The following HEATR1 variants were observed in gnomAD, a reference collection of about 807,000 sequenced individuals.
The protein encoded by HEATR1 is HEAT repeat containing 1.
In HEATR1, 77 loss-of-function variants were observed where a neutral mutation model predicts 248.2. The ratio of observed to expected loss-of-function variants is 0.31; its 90% CI spans 0.26 to 0.37. The LOEUF (loss-of-function observed/expected upper bound fraction) is 0.37. HEATR1 is among the 10% of genes least tolerant of loss of function. HEATR1 has a pLI of 1.00. For missense variants in HEATR1, 2,420 were observed against 2,504.9 expected (o/e 0.97, Z 0.72); for synonymous variants, 897 against 923.1 (o/e 0.97, Z 0.51).
rs528290358 is a variant in HEATR1, at chr1:236,592,101, T to C, written c.1314A>G (p.Arg438=). 14 of 1,531,232 alleles carry C rather than the reference T, an allele frequency of 9.1e-6. 1 individual carries two copies. In the South Asian group the frequency reaches 1.4e-4, roughly 16 times the overall value. The allele number at this position is 1,531,232 out of a possible 1,614,324, so 94.9% of individuals were successfully genotyped here. ...LIRLLESKYP[R]TLDVVLEEHL... is the part of the protein sequence containing the mutation. ...GTTCCTCTAATACAACATCTAATGT[T>C]CTGGGGTATCTGGGAAGCAATTAAA... The change falls in exon 11 of 45, where the codon AGA becomes AGG. Residue 438 remains arginine, a synonymous_variant. Transcript: ENST00000366582.
chr1:236,600,941 C>T (rs1664306840), intron 3 of HEATR1, among the ~76,000 whole-genome samples: 1 of 152,184 alleles, frequency 6.6e-6, no homozygotes, highest in Non-Finnish European at 1.5e-5. Flanking sequence ...TTTATTATGG[C>T]ATTTATTTCA....
At chr1:236,561,535 C>T (rs1014049268) in intron 32 of HEATR1, among the ~76,000 whole-genome samples, 1 of 152,196 alleles carries the variant, frequency 6.6e-6, no homozygotes, top group Non-Finnish European at 1.5e-5. Context: ...ACTCAATTAG[C>T]ACTACCGAAT....
chr1:236,583,610 C>A (rs906541312), intron 17 of HEATR1, among the ~76,000 whole-genome samples: 13 of 151,750 alleles, frequency 8.6e-5, no homozygotes, highest in Middle Eastern at 3.4e-3. Context: ...CTTCAGCCTC[C>A]CGAGTAGGAA....
chr1:236,601,576 C>G (rs1664325356), intron 3 of HEATR1, among the ~76,000 whole-genome samples: 1 of 151,708 alleles, frequency 6.6e-6, no homozygotes, highest in South Asian at 2.1e-4. Flanking sequence ...GCCGACTCGG[C>G]AGGAGGATCG....
chr1:236,576,206 A>C lies in HEATR1; in HGVS notation c.3084+13T>G. 1 of 1,573,008 alleles carries C rather than the reference A, an allele frequency of 6.4e-7. No individual in the cohort carries two copies. Among genetic ancestry groups the C allele is most frequent in the Non-Finnish European group, 8.6e-7 (1 of 1,164,910 alleles). ...CATCACAGGAATGTACAATCCACTT[A>C]AATGGCACATACCTCACCGTTGACT... On this transcript the variant is annotated intron_variant, in intron 22 of 44. Transcript: ENST00000366582.
chr1:236,573,367 C>G (rs1347512000), intron 24 of HEATR1, among the ~76,000 whole-genome samples: 1 of 152,138 alleles, frequency 6.6e-6, no homozygotes, highest in Non-Finnish European at 1.5e-5. Context: ...TTTACTGCCC[C>G]AGAGATTCTT....
At position 236,574,830 on chromosome 1, in the gene HEATR1, A is replaced by G. The variant is rs1663524720; in HGVS notation, c.3158T>C (p.Leu1053Pro). Residue 1053 changes from leucine (L) to proline (P), a missense_variant, in exon 23 of 45, where the codon CTG (leucine) becomes CCG (proline). Transcript: ENST00000366582. ...ATGCAGAACCATGGCCTCATCTTTCAGCACAGCTGTGGGCTCCTTCTGGAT... is the reference window on the plus strand; with the variant it reads ...ATGCAGAACCATGGCCTCATCTTTCGGCACAGCTGTGGGCTCCTTCTGGAT... ...EKIQKEPTAV[L>P]KDEAMVLHLT... is the part of the protein sequence containing the mutation. The G allele has an allele frequency of 1.9e-6, 3 of 1,613,872 alleles. No individual in the cohort carries two copies. Among genetic ancestry groups the G allele is most frequent in the African/African-American group, 2.7e-5 (2 of 74,936 alleles).
chr1:236,580,432 A>T (rs1411372550), intron 20 of HEATR1, among the ~76,000 whole-genome samples: 1 of 151,908 alleles, frequency 6.6e-6, no homozygotes, highest in African/African-American at 2.4e-5. Flanking sequence ...CTATTATTAA[A>T]CTTTTGTGTT....
chr1:236,562,692 T>A (rs1230215681), intron 32 of HEATR1, among the ~76,000 whole-genome samples: 4 of 152,222 alleles, frequency 2.6e-5, no homozygotes. Flanking sequence ...ACACTGAGTT[T>A]CTAGACCAAT....
intron 28 of HEATR1, among the ~76,000 whole-genome samples, chr1:236,570,916 A>G (rs2794776): frequency 0.6 from 91,288 of 152,098 alleles, 29,478 homozygotes; most frequent in Non-Finnish European, 0.72. Context: ...TAAAAGGGAC[A>G]TGATTTCTTT....
chr1:236,574,277 T>C lies in HEATR1; in HGVS notation c.3384A>G (p.Leu1128=), dbSNP rs754016785. ...ISDEKVQQKL[L]RMLFDLLVNC... ...TCACCAATAAATCAAACAACATTCTTAAAAGCTTCTGCTGAACTTTTTCAT... is the reference window on the plus strand; with the variant it reads ...TCACCAATAAATCAAACAACATTCTCAAAAGCTTCTGCTGAACTTTTTCAT... The change falls in exon 24 of 45, where the codon TTA becomes TTG. Residue 1128 remains leucine, a synonymous_variant. Transcript: ENST00000366582. 1 of 1,612,928 alleles carries C rather than the reference T, an allele frequency of 6.2e-7. No individual in the cohort carries two copies. The highest frequency in any genetic ancestry group is 8.5e-7 in the Non-Finnish European group (1 of 1,179,446).
At chr1:236,567,049 T>A (rs1460865760) in intron 29 of HEATR1, among the ~76,000 whole-genome samples, 173 bp from the exon 30 acceptor site, 3 of 152,156 alleles carry the variant, frequency 2.0e-5, no homozygotes, top group Admixed American at 6.5e-5. Context: ...TGCAGTGATG[T>A]GATCATATCT....
At chr1:236,583,712 C>A (rs1663814946) in intron 17 of HEATR1, among the ~76,000 whole-genome samples, 1 of 152,056 alleles carries the variant, frequency 6.6e-6, no homozygotes, top group African/African-American at 2.4e-5. Context: ...GTCTCGAACT[C>A]CTGTCCTCAG....
chr1:236,581,551 TTA>T (rs775827281), intron 19 of HEATR1, 137 bp from the exon 20 acceptor site: 30 of 567,218 alleles, frequency 5.3e-5, no homozygotes, highest in Non-Finnish European at 7.9e-5. Flanking sequence ...TCATTTCAAA[TTA>T]TTCCATATTC....
intron 4 of HEATR1, among the ~76,000 whole-genome samples, chr1:236,598,799 T>A (rs926310924): frequency 1.3e-5 from 2 of 152,086 alleles, no homozygotes; most frequent in Admixed American, 6.5e-5. Flanking sequence ...CCTCCCCCCC[T>A]ACCCTGGATC....
chr1:236,578,207 C>T (rs1663617944), intron 20 of HEATR1, among the ~76,000 whole-genome samples: 1 of 152,178 alleles, frequency 6.6e-6, no homozygotes, highest in Admixed American at 6.5e-5. Flanking sequence ...AAATTTCTAT[C>T]TAAGGAATGA....
chr1:236,583,135 C>G lies in HEATR1; in HGVS notation c.2303G>C (p.Trp768Ser), dbSNP rs933088417. 9.3e-6 allele frequency: 15 copies of G among 1,613,914 alleles called. No individual in the cohort carries two copies. Among genetic ancestry groups the G allele is most frequent in the Non-Finnish European group, 1.2e-5 (14 of 1,179,932 alleles). Residue 768 changes from tryptophan to serine, a missense_variant, in exon 18 of 45, where the codon TGG (tryptophan) becomes TCG (serine). Physicochemically the swap from Trp to Ser is radical, Grantham distance 177. Transcript: ENST00000366582. ...MLDRGIPVEL[W>S]AHYVEELNST... ...GTTGAGCTCTTCTACATAATGTGCC[C>G]ACAGCTCCACTGGGATCCCTCTGTC...
Position 236,572,959 on chromosome 1 carries a change from C to A in HEATR1, c.3460-131G>T, listed in dbSNP as rs535205424. 1.0e-5 allele frequency: 8 copies of A among 797,222 alleles called. No individual in the cohort carries two copies. The South Asian group carries it at 1.2e-4, about 11-fold the overall frequency. The allele number at this position is 797,222 out of a possible 1,614,324, so 49.4% of individuals were successfully genotyped here. On this transcript the variant is annotated intron_variant, in intron 24 of 44. Transcript: ENST00000366582. ...TGACTTACTGGATATGCATCTGAACCCCCCCCAGCATTGGATGCTACTACC... is the reference window on the plus strand; with the variant it reads ...TGACTTACTGGATATGCATCTGAACACCCCCCAGCATTGGATGCTACTACC...
intron 20 of HEATR1, among the ~76,000 whole-genome samples, chr1:236,579,136 T>C (rs987130458): frequency 2.6e-5 from 4 of 152,176 alleles, no homozygotes; most frequent in Admixed American, 1.3e-4. Context: ...TCTCAAATTT[T>C]CGGAGCACCA....
Sources: gnomAD v4.1 joint callset for allele counts (sites outside exome capture counted in the v4.1 genomes callset) on GRCh38, gnomAD v4.1.1 for gene constraint, MANE v1.5 for transcripts, NCBI Gene and HGNC (gene_info 2026-07-23, HGNC 2026-07-21) for gene names.